CEP112: variants seen among roughly 807,000 people sequenced by gnomAD.
CEP112 encodes the protein centrosomal protein 112.
CEP112 carries 127 observed loss-of-function variants against 153.0 expected under a neutral mutation model. That is an observed-to-expected ratio of 0.83 (90% CI 0.72 to 0.96). The LOEUF (loss-of-function observed/expected upper bound fraction) is 0.96. CEP112 is among the 40% of genes least tolerant of loss of function. The pLI is 0.00. For missense variants in CEP112, 1,089 were observed against 1,101.2 expected, an observed-to-expected ratio of 0.99 and a Z score of 0.16; for synonymous variants, 358 against 374.4, an observed-to-expected ratio of 0.96 and a Z score of 0.51.
chr17:65,934,365 A>C (rs2061234489), intron 18 of CEP112, among the ~76,000 whole-genome samples: 1 of 152,190 alleles, frequency 6.6e-6, no homozygotes, highest in Non-Finnish European at 1.5e-5. Context: ...GGTAACCACA[A>C]AGTAAAAACC....
intron 23 of CEP112, among the ~76,000 whole-genome samples, chr17:65,690,608 T>C (rs1318642199): frequency 6.6e-6 from 1 of 151,898 alleles, no homozygotes; most frequent in East Asian, 1.9e-4. Flanking sequence ...TTTAAATAGA[T>C]GGTCCAAGAA....
chr17:65,902,242 T>C lies in CEP112; in HGVS notation c.2073A>G (p.Glu691=). The change falls in exon 20 of 27, where the codon GAA becomes GAG. Residue 691 remains glutamate (E), a synonymous_variant. Transcript: ENST00000535342. The part of the protein sequence containing the change: ...AEKDSLVRDH[E]REIENLEKQL... Reference sequence around the variant, plus strand: ...GTTTTTCCAGGTTTTCAATTTCCCGTTCATGGTCTCGGACTAGGCTATCCT... The same window carrying C: ...GTTTTTCCAGGTTTTCAATTTCCCGCTCATGGTCTCGGACTAGGCTATCCT... The C allele has an allele frequency of 6.2e-7, 1 of 1,614,032 alleles. No homozygotes were observed. Among genetic ancestry groups the C allele is most frequent in the Non-Finnish European group, 8.5e-7 (1 of 1,179,966 alleles).
chr17:65,927,297 G>A (rs780103764), intron 19 of CEP112, among the ~76,000 whole-genome samples: 3 of 152,150 alleles, frequency 2.0e-5, no homozygotes, highest in Non-Finnish European at 4.4e-5. Flanking sequence ...CTGCAGAACT[G>A]TGAGCCAATC....
intron 23 of CEP112, among the ~76,000 whole-genome samples, chr17:65,716,238 C>T (rs2049506490): frequency 6.6e-6 from 1 of 151,988 alleles, no homozygotes; most frequent in Admixed American, 6.5e-5. Flanking sequence ...CTCATTGCAA[C>T]CTCCACCTCC....
chr17:65,879,609 C>A (rs1331722872), intron 20 of CEP112, among the ~76,000 whole-genome samples: 1 of 151,814 alleles, frequency 6.6e-6, no homozygotes, highest in East Asian at 1.9e-4. Flanking sequence ...GAAAGATAAA[C>A]AGAAAAACCA....
chr17:66,083,626 A>C (rs1046384520), intron 8 of CEP112, among the ~76,000 whole-genome samples: 3 of 152,346 alleles, frequency 2.0e-5, no homozygotes, highest in South Asian at 4.1e-4. Context: ...AGGTGGGCAG[A>C]CTGCCTGAGC....
chr17:65,753,914 C>T (rs1457120360), intron 21 of CEP112, among the ~76,000 whole-genome samples: 1 of 152,106 alleles, frequency 6.6e-6, no homozygotes, highest in African/African-American at 2.4e-5. Flanking sequence ...AGTTTATGGC[C>T]AGCCCCCAAA....
intron 19 of CEP112, among the ~76,000 whole-genome samples, chr17:65,925,958 T>C (rs1042535758): frequency 9.2e-5 from 14 of 152,334 alleles, no homozygotes; most frequent in African/African-American, 3.1e-4. Context: ...GGATCATGTT[T>C]ACCAAAGCAA....
chr17:65,923,700 T>C (rs7221444), intron 19 of CEP112, among the ~76,000 whole-genome samples: 5,706 of 152,282 alleles, frequency 0.037, 318 homozygotes, highest in African/African-American at 0.12. Flanking sequence ...GAGCATACAA[T>C]GAAAGTCTCA....
chr17:65,968,347 C>T (rs915264737), intron 17 of CEP112, among the ~76,000 whole-genome samples: 1 of 152,078 alleles, frequency 6.6e-6, no homozygotes, highest in African/African-American at 2.4e-5. Flanking sequence ...TTCAAAGTAA[C>T]TGGAAAATAT....
chr17:66,069,244 C>A (rs1485623622), intron 9 of CEP112, among the ~76,000 whole-genome samples: 1 of 151,872 alleles, frequency 6.6e-6, no homozygotes, highest in Non-Finnish European at 1.5e-5. Context: ...TTTGGATCAA[C>A]CTCCATGTAT....
intron 21 of CEP112, among the ~76,000 whole-genome samples, chr17:65,823,093 G>A (rs2056669812): frequency 6.6e-6 from 1 of 151,970 alleles, no homozygotes; most frequent in South Asian, 2.1e-4. Context: ...CATGGTCATG[G>A]ATCAGAAAAC....
intron 21 of CEP112, among the ~76,000 whole-genome samples, chr17:65,833,890 C>A (rs2057192029): frequency 6.6e-6 from 1 of 152,056 alleles, no homozygotes; most frequent in Non-Finnish European, 1.5e-5. Flanking sequence ...CCTGAATACC[C>A]CAAGCAATCC....
chr17:65,962,097 G>A (rs1447656359), intron 17 of CEP112, among the ~76,000 whole-genome samples: 3 of 152,176 alleles, frequency 2.0e-5, no homozygotes, highest in Non-Finnish European at 4.4e-5. Context: ...AGTTGCTAGG[G>A]TCTGAGAGGC....
chr17:65,902,614 C>T (rs2059916489), intron 19 of CEP112, among the ~76,000 whole-genome samples: 1 of 151,618 alleles, frequency 6.6e-6, no homozygotes, highest in African/African-American at 2.4e-5. Flanking sequence ...GTCACTTCCT[C>T]CCCAAGAATT....
intron 21 of CEP112, among the ~76,000 whole-genome samples, chr17:65,851,484 C>A (rs1238807848): frequency 3.9e-5 from 6 of 152,038 alleles, no homozygotes; most frequent in Non-Finnish European, 8.8e-5. Context: ...AGGGATACAG[C>A]CCCAGTATTT....
At chr17:65,641,879 A>G (rs1374969351) in intron 24 of CEP112, among the ~76,000 whole-genome samples, 1 of 152,218 alleles carries the variant, frequency 6.6e-6, no homozygotes, top group Non-Finnish European at 1.5e-5. Context: ...TGACACAAGT[A>G]GACAGGTAGA....
intron 16 of CEP112, among the ~76,000 whole-genome samples, chr17:66,006,132 C>T (rs957096891): frequency 6.6e-6 from 1 of 152,034 alleles, no homozygotes; most frequent in Non-Finnish European, 1.5e-5. Flanking sequence ...ATTCCCTGAA[C>T]ACATAATGGT....
intron 20 of CEP112, among the ~76,000 whole-genome samples, chr17:65,867,863 T>C (rs1346873955): frequency 6.6e-6 from 1 of 152,136 alleles, no homozygotes; most frequent in Non-Finnish European, 1.5e-5. Flanking sequence ...TAACTTTTAG[T>C]GTCTGCAGCG....
Sources: allele counts gnomAD v4.1 joint callset (sites outside exome capture counted in the v4.1 genomes callset), GRCh38; gene constraint gnomAD v4.1.1; transcripts MANE v1.5; gene names NCBI Gene and HGNC (gene_info 2026-07-23, HGNC 2026-07-21).